The following C16orf87 variants were observed in gnomAD, a reference collection of about 807,000 sequenced individuals.
The protein encoded by C16orf87 is HDAC and MIER1 interacting protein 1, also known as UPF0547 protein C16orf87.
In C16orf87, 13 loss-of-function variants were observed where a neutral mutation model predicts 21.0. The ratio of observed to expected loss-of-function variants is 0.62; its 90% CI spans 0.40 to 0.98. The LOEUF is 0.98. C16orf87 is among the 50% of genes least tolerant of loss of function. The probability of loss-of-function intolerance (pLI) is 0.00; values close to 1 mark genes in which losing one functional copy is unlikely to be tolerated. For synonymous variants in C16orf87, 49 were observed against 60.2 expected (o/e 0.81, Z 0.86); for missense variants, 113 against 180.4 (o/e 0.63, Z 2.14).
At chr16:46,803,390 C>G (rs1315312696) in intron 3 of C16orf87, among the ~76,000 whole-genome samples, 1 of 152,190 alleles carries the variant, frequency 6.6e-6, no homozygotes, top group African/African-American at 2.4e-5. Flanking sequence ...GAAATTCACT[C>G]TGAGAGATGG....
chr16:46,801,628 G>A lies in C16orf87; in HGVS notation c.*1324C>T, dbSNP rs1233997967. 6.6e-6 allele frequency: 1 copy of A among 152,198 alleles called. No individual in the cohort carries two copies. Among genetic ancestry groups the A allele is most frequent in the Non-Finnish European group, 1.5e-5 (1 of 68,036 alleles). The allele number at this position is 152,198 out of a possible 1,614,324, so 9.4% of individuals were successfully genotyped here. ...AGGAAAATTCTTTATCCTATCTAGA[G>A]TACCTCTTAAGCTCCCTCTGCTGGT... is the stretch of plus-strand genomic sequence containing the variant. On this transcript the variant is annotated 3_prime_UTR_variant, in exon 4 of 4. Coordinates refer to ENST00000285697, the MANE Select transcript of C16orf87 (RefSeq NM_001001436.4).
intron 1 of C16orf87, 75 bp from the exon 2 acceptor site, chr16:46,824,557 C>T (rs1959544962): frequency 3.5e-6 from 2 of 576,756 alleles, no homozygotes; most frequent in East Asian, 3.3e-5. Flanking sequence ...ATGTGGTCTC[C>T]TCAAATGAAT....
chr16:46,831,059 C>T, intron 1 of C16orf87, 25 bp downstream of exon 1: 5 of 1,557,172 alleles, frequency 3.2e-6, no homozygotes, highest in Non-Finnish European at 3.5e-6. Context: ...GCCGCCCGCC[C>T]GCGCGCCCGG....
At chr16:46,817,443 T>C (rs1300022234) in intron 2 of C16orf87, among the ~76,000 whole-genome samples, 1 of 151,928 alleles carries the variant, frequency 6.6e-6, no homozygotes, top group Non-Finnish European at 1.5e-5. Flanking sequence ...TTCCAGCACT[T>C]TGGGAGGCAG....
intron 2 of C16orf87, among the ~76,000 whole-genome samples, chr16:46,819,996 T>A (rs1336106758): frequency 2.0e-5 from 3 of 152,022 alleles, no homozygotes; most frequent in Non-Finnish European, 2.9e-5. Flanking sequence ...AAAAAAAAAA[T>A]TTCATTAATT....
rs1959849056 is a variant in C16orf87 at position 46,831,169 on chromosome 16, G to GGCA, written c.-23_-21dup. The GGCA allele has an allele frequency of 1.3e-6, 2 of 1,551,960 alleles. No homozygotes were observed. The highest frequency in any genetic ancestry group is 1.8e-5 in the Admixed American group (1 of 55,408). ...AGACATGCTCCTCTCCCTTAGCGGC[G>GGCA]GCAGCAGCGACGGCTCGGGCTCCTC... On this transcript the variant is annotated 5_prime_UTR_variant, in exon 1 of 4. Transcript: ENST00000285697.
intron 2 of C16orf87, among the ~76,000 whole-genome samples, chr16:46,813,727 A>G (rs1000609758): frequency 6.6e-6 from 1 of 152,138 alleles, no homozygotes; most frequent in African/African-American, 2.4e-5. Context: ...CCTTCTGCCT[A>G]GAGCTCTCTT....
chr16:46,811,679 C>G (rs1475605566), intron 2 of C16orf87, among the ~76,000 whole-genome samples: 12 of 151,918 alleles, frequency 7.9e-5, no homozygotes, highest in Admixed American at 7.9e-4. Context: ...TAAGTGACAC[C>G]ATGGGGATAC....
intron 1 of C16orf87, among the ~76,000 whole-genome samples, chr16:46,825,544 C>T (rs1464112357): frequency 6.6e-6 from 1 of 152,114 alleles, no homozygotes; most frequent in Non-Finnish European, 1.5e-5. Context: ...GTATTCAACC[C>T]CTCAAGCATT....
intron 3 of C16orf87, among the ~76,000 whole-genome samples, chr16:46,809,389 T>C (rs966244921): frequency 6.6e-6 from 1 of 152,202 alleles, no homozygotes; most frequent in African/African-American, 2.4e-5. Context: ...AGGTAAATTT[T>C]ACCTAACTAA....
chr16:46,815,594 G>T (rs1450572791), intron 2 of C16orf87, among the ~76,000 whole-genome samples: 1 of 152,042 alleles, frequency 6.6e-6, no homozygotes, highest in Non-Finnish European at 1.5e-5. Flanking sequence ...ACTTGAATAG[G>T]TATTTCTCCA....
intron 2 of C16orf87, among the ~76,000 whole-genome samples, chr16:46,812,270 T>C (rs943552284): frequency 1.3e-5 from 2 of 152,092 alleles, no homozygotes; most frequent in African/African-American, 4.8e-5. Context: ...AATAAATAAA[T>C]AAGATAGCAC....
chr16:46,821,484 C>G (rs1220015159), intron 2 of C16orf87, among the ~76,000 whole-genome samples: 1 of 152,158 alleles, frequency 6.6e-6, no homozygotes, highest in African/African-American at 2.4e-5. Flanking sequence ...TCTTCCTCCT[C>G]CTGCAGGGAT....
chr16:46,798,478 T>C lies in C16orf87; in HGVS notation c.*4474A>G, dbSNP rs1236518193. ...TTGCATTGAGCCAAGATCACACCAC[T>C]GCCCTCCAGCCTGGGCGACAGAGCG... On this transcript the variant is annotated 3_prime_UTR_variant, in exon 4 of 4. Coordinates refer to ENST00000285697, the MANE Select transcript of C16orf87 (RefSeq NM_001001436.4). The C allele has an allele frequency of 6.6e-6, 1 of 152,328 alleles. No individual in the cohort carries two copies. The highest frequency in any genetic ancestry group is 1.5e-5 in the Non-Finnish European group (1 of 68,170). The allele number at this position is 152,328 out of a possible 1,614,324, so 9.4% of individuals were successfully genotyped here. A position where few individuals can be genotyped will look rare whatever the true frequency, so the allele number is the denominator to read the frequency against.
At chr16:46,824,352 C>A (rs773668080) in intron 2 of C16orf87, 34 bp downstream of exon 2, 20 of 958,708 alleles carry the variant, frequency 2.1e-5, no homozygotes, top group Non-Finnish European at 3.1e-5. Context: ...ATTTCTACAT[C>A]AAAAAGCTAA....
In C16orf87 at chr16:46,831,168, C is replaced by A; in HGVS notation, c.-19G>T. 3 of 1,551,840 alleles carry A rather than the reference C, an allele frequency of 1.9e-6. No individual in the cohort carries two copies. Among genetic ancestry groups the A allele is most frequent in the East Asian group, 2.5e-5 (1 of 39,292 alleles). On this transcript the variant is annotated 5_prime_UTR_variant, in exon 1 of 4. Coordinates refer to ENST00000285697, the MANE Select transcript of C16orf87 (RefSeq NM_001001436.4). ...CAGACATGCTCCTCTCCCTTAGCGG[C>A]GGCAGCAGCGACGGCTCGGGCTCCT...
intron 3 of C16orf87, among the ~76,000 whole-genome samples, chr16:46,806,437 T>A (rs145443256): frequency 2.6e-5 from 4 of 152,012 alleles, no homozygotes; most frequent in African/African-American, 9.7e-5. Context: ...TTTTTTGTAT[T>A]TTTAGTAGAG....
At chr16:46,816,709 G>C (rs1471606453) in intron 2 of C16orf87, among the ~76,000 whole-genome samples, 3 of 152,150 alleles carry the variant, frequency 2.0e-5, no homozygotes, top group Admixed American at 1.3e-4. Context: ...CTGTTAAAGA[G>C]GACAATATGC....
Position 46,807,548 on chromosome 16 carries a change from G to C in C16orf87, c.346+2055C>G, listed in dbSNP as rs1967966558. The stretch of plus-strand genomic sequence containing the variant: ...AACACAGGCATGCCCATTCATTTAT[G>C]CATGATTTATGGCTGCTTTCCAGCT... On this transcript the variant is annotated intron_variant, in intron 3 of 3. Transcript: ENST00000285697. Among the ~76,000 whole-genome samples the C allele has an allele frequency of 2.0e-5, 3 of 152,186 alleles. No individual in the cohort carries two copies. In the South Asian group the frequency reaches 6.2e-4, roughly 31 times the overall value.
Sources: gnomAD v4.1 joint callset for allele counts (sites outside exome capture counted in the v4.1 genomes callset) on GRCh38, gnomAD v4.1.1 for gene constraint, MANE v1.5 for transcripts, NCBI Gene and HGNC (gene_info 2026-07-23, HGNC 2026-07-21) for gene names.